Variants in LARGE1 observed in about 807,000 individuals in gnomAD.
LARGE1 encodes the protein xylosyl- and glucuronyltransferase LARGE1.
Under a neutral mutation model 87.6 loss-of-function variants are expected in LARGE1, and 43 were observed. The ratio of observed to expected loss-of-function variants is 0.49; its 90% CI spans 0.38 to 0.63. The LOEUF (loss-of-function observed/expected upper bound fraction) is 0.63. Ranked by LOEUF, LARGE1 falls within the 30% of genes least tolerant of loss-of-function variation. LARGE1 has a pLI of 0.00. For missense variants in LARGE1, 802 were observed against 1,000.2 expected, an observed-to-expected ratio of 0.80 and a Z score of 2.67; for synonymous variants, 434 against 394.6, an observed-to-expected ratio of 1.10 and a Z score of -1.18.
chr22:33,678,860 T>C (rs2081659586), intron 2 of LARGE1, among the ~76,000 whole-genome samples: 1 of 152,218 alleles, frequency 6.6e-6, no homozygotes, highest in African/African-American at 2.4e-5. Flanking sequence ...ACATTGCCCA[T>C]CCACTTTCCC....
intron 2 of LARGE1, among the ~76,000 whole-genome samples, chr22:33,698,458 G>T (rs1035750792): frequency 6.6e-6 from 1 of 151,544 alleles, no homozygotes; most frequent in Non-Finnish European, 1.5e-5. Context: ...ACACCACCAC[G>T]CTCGGCTAAT....
At chr22:33,387,455 GAATT>G (rs2065367660) in intron 7 of LARGE1, among the ~76,000 whole-genome samples, 1 of 124,954 alleles carries the variant, frequency 8.0e-6, no homozygotes, top group Non-Finnish European at 1.7e-5. Context: ...AAGAAAGAAA[GAATT>G]TCATTAATCT....
intron 1 of LARGE1, among the ~76,000 whole-genome samples, chr22:33,762,851 C>G (rs564034156): frequency 1.2e-3 from 187 of 152,308 alleles, no homozygotes; most frequent in Non-Finnish European, 2.3e-3. Flanking sequence ...ATAGGTGTCA[C>G]GCTGACTATA....
intron 1 of LARGE1, among the ~76,000 whole-genome samples, chr22:33,916,131 A>C (rs768359795): frequency 1.2e-4 from 19 of 152,020 alleles, no homozygotes; most frequent in Admixed American, 2.6e-4. Flanking sequence ...AAATACAAAA[A>C]TTAGCCGGGC....
At chr22:33,814,900 C>A (rs1224507922) in intron 1 of LARGE1, among the ~76,000 whole-genome samples, 1 of 152,234 alleles carries the variant, frequency 6.6e-6, no homozygotes, top group African/African-American at 2.4e-5. Flanking sequence ...AGTGAAGAAA[C>A]TGCAGCTCCC....
chr22:33,841,066 A>G (rs913637026), intron 1 of LARGE1, among the ~76,000 whole-genome samples: 1 of 152,204 alleles, frequency 6.6e-6, no homozygotes, highest in African/African-American at 2.4e-5. Context: ...GCCCAAATAC[A>G]GGCCAATGAA....
intron 10 of LARGE1, among the ~76,000 whole-genome samples, chr22:33,321,774 T>C (rs1283280292): frequency 1.3e-5 from 2 of 152,178 alleles, no homozygotes; most frequent in South Asian, 2.1e-4. Context: ...GAGTGGAGAA[T>C]GAGAAACACA....
chr22:33,779,389 T>C (rs905880896), intron 1 of LARGE1, among the ~76,000 whole-genome samples: 1 of 146,146 alleles, frequency 6.8e-6, no homozygotes, highest in Non-Finnish European at 1.5e-5. Flanking sequence ...TTACACACAA[T>C]AGTACAGAGT....
At position 33,386,707 on chromosome 22, in the gene LARGE1, G is replaced by T. The variant is rs1055188366; in HGVS notation, c.893-2403C>A. Among the ~76,000 whole-genome samples, 2 of 133,606 alleles carry T rather than the reference G, an allele frequency of 1.5e-5. 1 individual carries two copies. The highest frequency in any genetic ancestry group is 3.1e-5 in the Non-Finnish European group (2 of 63,538). The allele number at this position is 133,606 out of a possible 152,430, so 87.7% of individuals were successfully genotyped here. A position where few individuals can be genotyped will look rare whatever the true frequency, so the allele number is the denominator to read the frequency against. ...TGTTTTACTCAGATAAACAATGTTG[G>T]GGGGGGTAGAAAGAAAAGAAACATT... On this transcript the variant is annotated intron_variant, in intron 7 of 14. Transcript: ENST00000397394.
chr22:33,101,649 G>A, the LARGE1 span, among the ~76,000 whole-genome samples: 2 of 152,154 alleles, frequency 1.3e-5, no homozygotes, highest in East Asian at 3.9e-4. Context: ...GATGTCTCAC[G>A]ATGTCAGATG....
intron 6 of LARGE1, among the ~76,000 whole-genome samples, chr22:33,540,855 C>T (rs753748101): frequency 2.6e-5 from 4 of 151,758 alleles, no homozygotes; most frequent in South Asian, 2.1e-4. Context: ...GTATGGCAGA[C>T]GGGCACAGCG....
intron 1 of LARGE1, among the ~76,000 whole-genome samples, chr22:33,764,953 C>T (rs1002667304): frequency 1.1e-4 from 16 of 152,134 alleles, no homozygotes; most frequent in Non-Finnish European, 2.4e-4. Flanking sequence ...GTGGAACCCT[C>T]AGATATGAAG....
chr22:33,777,275 T>C (rs2145862031), intron 1 of LARGE1, among the ~76,000 whole-genome samples: 1 of 152,236 alleles, frequency 6.6e-6, no homozygotes, highest in Non-Finnish European at 1.5e-5. Context: ...AAGGAGAATC[T>C]GAACTTCCTT....
chr22:33,374,518 C>T (rs966895604), intron 9 of LARGE1, among the ~76,000 whole-genome samples: 7 of 152,132 alleles, frequency 4.6e-5, no homozygotes, highest in African/African-American at 1.2e-4. Flanking sequence ...AACTTCTTAT[C>T]AAGTGCTTTC....
At chr22:33,547,465 C>T (rs751159789) in intron 6 of LARGE1, among the ~76,000 whole-genome samples, 2 of 152,114 alleles carry the variant, frequency 1.3e-5, no homozygotes, top group African/African-American at 2.4e-5. Flanking sequence ...ACCGGTCTGG[C>T]GCCCAGGGTT....
At position 33,274,565 on chromosome 22, in the gene LARGE1, G is replaced by A; in HGVS notation, c.2133C>T (p.Ser711=). 1 of 1,614,190 alleles carries A rather than the reference G, an allele frequency of 6.2e-7. No homozygotes were observed. Residue 711 remains serine, a synonymous_variant, in exon 15 of 15, where the codon AGC becomes AGT. Transcript: ENST00000397394. ...TGGAACGGAACTTGGTAATGTCGAA[G>A]CTGGGGGCATGAGGCATGTGGATCA... is the stretch of plus-strand genomic sequence containing the variant. ...AYMIHMPHAP[S]FDITKFRSNK... is the part of the protein sequence containing the mutation.
chr22:33,560,477 C>G (rs956643668), intron 6 of LARGE1, among the ~76,000 whole-genome samples: 1 of 152,162 alleles, frequency 6.6e-6, no homozygotes, highest in Non-Finnish European at 1.5e-5. Context: ...GGCATCTGTG[C>G]TTATGGATCA....
chr22:33,248,189 A>AT (rs765833291), intron 11 of LARGE1, among the ~76,000 whole-genome samples: 290 of 151,640 alleles, frequency 1.9e-3, no homozygotes, highest in Non-Finnish European at 3.2e-3. Context: ...ACTTGTAGAC[A>AT]TTTTTTTTAT....
chr22:33,836,751 T>C (rs1038790690), intron 1 of LARGE1, among the ~76,000 whole-genome samples: 5 of 151,850 alleles, frequency 3.3e-5, no homozygotes, highest in South Asian at 2.1e-4. Flanking sequence ...GTGATTCAGA[T>C]TTTTTATCTG....
Sources: allele counts gnomAD v4.1 joint callset (sites outside exome capture counted in the v4.1 genomes callset), GRCh38; gene constraint gnomAD v4.1.1; transcripts MANE v1.5; gene names NCBI Gene and HGNC (gene_info 2026-07-23, HGNC 2026-07-21).